ABCB9: variants seen among roughly 807,000 people sequenced by gnomAD.
ABCB9 encodes the protein ATP binding cassette subfamily B member 9.
Under a neutral mutation model 62.0 loss-of-function variants are expected in ABCB9, and 36 were observed. The ratio of observed to expected loss-of-function variants is 0.58; its 90% CI spans 0.45 to 0.77. The LOEUF (loss-of-function observed/expected upper bound fraction) is 0.77. ABCB9 is among the 30% of genes least tolerant of loss of function. The pLI, the probability that ABCB9 is intolerant of heterozygous loss-of-function variation, is 0.00. For synonymous variants in ABCB9, 435 were observed against 461.4 expected, an observed-to-expected ratio of 0.94 and a Z score of 0.73; for missense variants, 943 against 1,054.7, an observed-to-expected ratio of 0.89 and a Z score of 1.47.
chr12:122,940,665 A>C lies in ABCB9; in HGVS notation c.1569+142T>G, dbSNP rs1390434325. 1.9e-6 allele frequency: 2 copies of C among 1,044,036 alleles called. No individual in the cohort carries two copies. The highest frequency in any genetic ancestry group is 3.2e-5 in the African/African-American group (2 of 62,024). 64.7% of individuals were successfully genotyped at this position (1,044,036 alleles called of 1,614,324 possible). On this transcript the variant is annotated intron_variant, in intron 8 of 11. Coordinates refer to ENST00000280560, the MANE Select transcript of ABCB9 (RefSeq NM_019625.4). This position sits in a 1 kb window ranked among gnomAD's most constrained non-coding sequence, Gnocchi z 4.8. ...TTCTGTTAAGTATCTGTCTTCCCCAACTGGAGCCCAAAACTCCTGGAGGGC... is the reference window on the plus strand; with the variant it reads ...TTCTGTTAAGTATCTGTCTTCCCCACCTGGAGCCCAAAACTCCTGGAGGGC...
Position 122,960,164 on chromosome 12 carries a change from G to C in ABCB9, c.72C>G (p.Ile24Met). ...MSVDICVTTA[I>M]YVFSHLDRSL... ...TGCGGTCCAGGTGGCTGAAGACATA[G>C]ATGGCCGTGGTCACGCAGATGTCCA... The change falls in exon 2 of 12, where the codon ATC becomes ATG. Residue 24 changes from isoleucine (I) to methionine (M), a missense_variant. Physicochemically the swap from Ile to Met is conservative, Grantham distance 10. Coordinates refer to ENST00000280560, the MANE Select transcript of ABCB9 (RefSeq NM_019625.4). 6.2e-7 allele frequency: 1 copy of C among 1,613,704 alleles called. No homozygotes were observed. The highest frequency in any genetic ancestry group is 8.5e-7 in the Non-Finnish European group (1 of 1,180,034).
chr12:122,955,715 GTT>G (rs1345508865), intron 2 of ABCB9, among the ~76,000 whole-genome samples: 5 of 141,910 alleles, frequency 3.5e-5, no homozygotes, highest in Non-Finnish European at 4.7e-5. Context: ...TTGTTTTTTT[GTT>G]TTTTTTTTTT....
At position 122,949,922 on chromosome 12, in the gene ABCB9, A is replaced by G; in HGVS notation, c.717-4T>C. 1 of 1,614,040 alleles carries G rather than the reference A, an allele frequency of 6.2e-7. No homozygotes were observed. The highest frequency in any genetic ancestry group is 8.5e-7 in the Non-Finnish European group (1 of 1,179,918). ...CCGAATACCTGCGGCAAATGAGCTA[A>G]TTGCAGATAAGAGATATTATAGCAC... On this transcript the variant is annotated splice_polypyrimidine_tract_variant and splice_region_variant and intron_variant, in intron 3 of 11. Transcript: ENST00000280560.
chr12:122,963,350 G>A (rs1019181258), intron 1 of ABCB9, among the ~76,000 whole-genome samples: 4 of 152,226 alleles, frequency 2.6e-5, no homozygotes, highest in South Asian at 4.1e-4. Flanking sequence ...GCTGGGCCGT[G>A]TGGCAGAGGT....
At chr12:122,938,415 C>T (rs2035566797) in intron 9 of ABCB9, among the ~76,000 whole-genome samples, 1 of 152,056 alleles carries the variant, frequency 6.6e-6, no homozygotes, top group Non-Finnish European at 1.5e-5. Context: ...GCCTGCAGTC[C>T]CAGCTACTTG....
Position 122,929,058 on chromosome 12 carries a change from C to A in ABCB9, c.*853G>T, listed in dbSNP as rs2034996400. On this transcript the variant is annotated 3_prime_UTR_variant, in exon 12 of 12. Coordinates refer to ENST00000280560, the MANE Select transcript of ABCB9 (RefSeq NM_019625.4). The surrounding 1 kb of genome is among the most constrained non-coding windows in gnomAD (Gnocchi z 6.0). Reference sequence around the variant, plus strand: ...CAACATGTTGCAACCTCTGGCAAAGCCAGATCCTGGGCTTTGCCACCATCC... The same window carrying A: ...CAACATGTTGCAACCTCTGGCAAAGACAGATCCTGGGCTTTGCCACCATCC... 2.0e-6 allele frequency: 2 copies of A among 986,024 alleles called. No homozygotes were observed. The highest frequency in any genetic ancestry group is 2.4e-6 in the Non-Finnish European group (2 of 830,060). 61.1% of individuals were successfully genotyped at this position (986,024 alleles called of 1,614,324 possible).
chr12:122,924,872 G>GA, downstream of ABCB9: 1 of 1,515,772 alleles, frequency 6.6e-7, no homozygotes. Flanking sequence ...AAAAAAGTCA[G>GA]CTTTAAAAGT....
downstream of ABCB9, among the ~76,000 whole-genome samples, chr12:122,920,266 C>T (rs1174858028): frequency 6.6e-6 from 1 of 151,770 alleles, no homozygotes; most frequent in Non-Finnish European, 1.5e-5. Flanking sequence ...ATGCTTCTTT[C>T]TCAGCCCTTT....
upstream of ABCB9, among the ~76,000 whole-genome samples, chr12:122,969,516 AAGGTGGC>A (rs1279835824): frequency 6.6e-6 from 1 of 152,184 alleles, no homozygotes; most frequent in Non-Finnish European, 1.5e-5. Context: ...TTGGGAGGCC[AAGGTGGC>A]AGGATCACTT....
chr12:122,929,605 G>A lies in ABCB9; in HGVS notation c.*306C>T, dbSNP rs984209186. The A allele has an allele frequency of 8.4e-7, 1 of 1,188,478 alleles. No homozygotes were observed. Among genetic ancestry groups the A allele is most frequent in the African/African-American group, 1.6e-5 (1 of 63,680 alleles). 73.6% of individuals were successfully genotyped at this position (1,188,478 alleles called of 1,614,324 possible). On this transcript the variant is annotated 3_prime_UTR_variant, in exon 12 of 12. Transcript: ENST00000280560. The surrounding 1 kb of genome is among the most constrained non-coding windows in gnomAD (Gnocchi z 6.0). Reference sequence around the variant, plus strand: ...GGTTTTTGAAATCTAGGAGTTGACTGGGGTGCCTCAAACCAAACAGTAAAA... The same window carrying A: ...GGTTTTTGAAATCTAGGAGTTGACTAGGGTGCCTCAAACCAAACAGTAAAA...
intron 9 of ABCB9, among the ~76,000 whole-genome samples, chr12:122,937,037 C>T (rs2035491704): frequency 6.6e-6 from 1 of 152,062 alleles, no homozygotes; most frequent in South Asian, 2.1e-4. Context: ...ACATTCCAGC[C>T]TGGGTGACAG....
chr12:122,952,696 G>A (rs1245320434), intron 2 of ABCB9: 6 of 152,182 alleles, frequency 3.9e-5, no homozygotes, highest in Non-Finnish European at 7.3e-5. Context: ...GCTAATAATC[G>A]CCTTACTGGG....
intron 9 of ABCB9, among the ~76,000 whole-genome samples, chr12:122,938,929 T>C (rs541558896): frequency 1.3e-5 from 2 of 152,210 alleles, no homozygotes; most frequent in South Asian, 4.2e-4. Flanking sequence ...CCCAACACTT[T>C]GGGAGGCCAA....
downstream of ABCB9, among the ~76,000 whole-genome samples, chr12:122,926,067 C>T (rs957528962): frequency 4.6e-5 from 7 of 152,014 alleles, no homozygotes; most frequent in Admixed American, 1.3e-4. Flanking sequence ...AGAATGCTGG[C>T]GGCCAGGGGC....
Position 122,932,028 on chromosome 12 carries a change from T to C in ABCB9, c.2040+164A>G. 2 of 1,283,206 alleles carry C rather than the reference T, an allele frequency of 1.6e-6. No individual in the cohort carries two copies. The highest frequency in any genetic ancestry group is 1.5e-5 in the African/African-American group (1 of 68,186). The allele number at this position is 1,283,206 out of a possible 1,614,324, so 79.5% of individuals were successfully genotyped here. A position where few individuals can be genotyped will look rare whatever the true frequency, so the allele number is the denominator to read the frequency against. On this transcript the variant is annotated intron_variant, in intron 11 of 11. Transcript: ENST00000280560. The surrounding 1 kb of genome is among the most constrained non-coding windows in gnomAD (Gnocchi z 4.7). ...TGGAGGCTGGGTCCAGAGTGGCTCC[T>C]GGCTCCCCACTCTCAACACCAGGAA...
chr12:122,940,209 C>T lies in ABCB9; in HGVS notation c.1645G>A (p.Val549Ile). 6.2e-7 allele frequency: 1 copy of T among 1,613,304 alleles called. No homozygotes were observed. The highest frequency in any genetic ancestry group is 8.5e-7 in the Non-Finnish European group (1 of 1,179,540). ...GPSGSGKSSCVNILENFYPLE... is the reference protein window; with the variant it reads ...GPSGSGKSSCINILENFYPLE... Reference sequence around the variant, plus strand: ...GGGTAGAAGTTCTCCAGGATGTTGACACAGGAGCTCTTCCCACTGCCCGAG... The same window carrying T: ...GGGTAGAAGTTCTCCAGGATGTTGATACAGGAGCTCTTCCCACTGCCCGAG... The change falls in exon 9 of 12, where the codon GTC becomes ATC. Residue 549 changes from valine (V) to isoleucine (I), a missense_variant. Physicochemically the swap from Val to Ile is conservative, Grantham distance 29 (BLOSUM62 3). Transcript: ENST00000280560. The surrounding 1 kb of genome is among the most constrained non-coding windows in gnomAD (Gnocchi z 4.8).
intron 1 of ABCB9, among the ~76,000 whole-genome samples, chr12:122,973,931 G>GCTATTC: frequency 6.6e-6 from 1 of 152,244 alleles, no homozygotes; most frequent in Non-Finnish European, 1.5e-5. Flanking sequence ...GATAATCCCA[G>GCTATTC]CTATTCGGGA....
Position 122,935,345 on chromosome 12 carries a change from C to G in ABCB9, c.1830G>C (p.Glu610Asp), listed in dbSNP as rs372875439. The G allele has an allele frequency of 1.2e-6, 2 of 1,614,014 alleles. No individual in the cohort carries two copies. Among genetic ancestry groups the G allele is most frequent in the African/African-American group, 2.7e-5 (2 of 74,938 alleles). The change falls in exon 10 of 12, where the codon GAG (glutamate) becomes GAC (aspartate). Residue 610 changes from glutamate (E) to aspartate (D), a missense_variant. By Grantham distance (45) the Glu-to-Asp change is conservative. Coordinates refer to ENST00000280560, the MANE Select transcript of ABCB9 (RefSeq NM_019625.4). ...CCTTCTGTGCGGCCTCCACCACCAT[C>G]TCGAAAGGCACAGTGGGCAGGCCGT... Reference protein sequence around the residue: ...ISYGLPTVPFEMVVEAAQKAN... With the variant: ...ISYGLPTVPFDMVVEAAQKAN...
At chr12:122,948,038 A>G (rs1468122014) in intron 5 of ABCB9, 1 of 152,520 alleles carries the variant, frequency 6.6e-6, no homozygotes, top group Non-Finnish European at 1.5e-5. Flanking sequence ...GGCTCAGGCG[A>G]TCCTCCACCT....
Sources: gnomAD v4.1 joint callset for allele counts (sites outside exome capture counted in the v4.1 genomes callset) on GRCh38, gnomAD v4.1.1 for gene constraint, Gnocchi (gnomAD v3.1) non-coding constraint, MANE v1.5 for transcripts, NCBI Gene and HGNC (gene_info 2026-07-23, HGNC 2026-07-21) for gene names.